CNTN4: variants seen among roughly 807,000 people sequenced by gnomAD.
CNTN4 encodes contactin-4.
A neutral mutation model predicts 122.5 loss-of-function variants in CNTN4; 77 were observed. The ratio of observed to expected loss-of-function variants is 0.63; its 90% CI spans 0.52 to 0.76. The LOEUF (loss-of-function observed/expected upper bound fraction) is 0.76, where lower values mean the gene tolerates loss of function less well. CNTN4 is among the 30% of genes least tolerant of loss of function. CNTN4 has a pLI of 0.00. For missense variants in CNTN4, 1,256 were observed against 1,259.1 expected (o/e 1.00, Z 0.04); for synonymous variants, 512 against 447.0 (o/e 1.15, Z -1.83).
chr3:2,378,139 G>T (rs1324930671), intron 3 of CNTN4, among the ~76,000 whole-genome samples: 1 of 152,144 alleles, frequency 6.6e-6, no homozygotes, highest in Non-Finnish European at 1.5e-5. Flanking sequence ...AGAAATAGAT[G>T]CGACAAATGG....
At chr3:2,481,769 T>A (rs930781499) in intron 3 of CNTN4, among the ~76,000 whole-genome samples, 39 of 152,060 alleles carry the variant, frequency 2.6e-4, no homozygotes, top group African/African-American at 9.2e-4. Flanking sequence ...GTTAGTGAGT[T>A]CTCAAAAGAT....
chr3:2,647,021 T>G (rs1480619230), intron 4 of CNTN4, among the ~76,000 whole-genome samples: 1 of 152,200 alleles, frequency 6.6e-6, no homozygotes, highest in African/African-American at 2.4e-5. Context: ...TTATATCTGG[T>G]AGAGACCCTG....
chr3:2,321,226 G>T (rs2043266704), intron 2 of CNTN4, among the ~76,000 whole-genome samples: 1 of 152,068 alleles, frequency 6.6e-6, no homozygotes, highest in Non-Finnish European at 1.5e-5. Flanking sequence ...GTGAAATGTG[G>T]CTTAGAACAA....
chr3:2,276,583 G>C (rs983543748), intron 2 of CNTN4, among the ~76,000 whole-genome samples: 42 of 152,126 alleles, frequency 2.8e-4, no homozygotes, highest in African/African-American at 9.7e-4. Context: ...GTGGCATAGT[G>C]CATTGCAAGT....
intron 2 of CNTN4, among the ~76,000 whole-genome samples, chr3:2,134,714 C>T (rs930970511): frequency 1.2e-4 from 18 of 152,106 alleles, no homozygotes; most frequent in African/African-American, 4.3e-4. Context: ...TGCTGAACAC[C>T]CTCAGTGCAA....
intron 7 of CNTN4, among the ~76,000 whole-genome samples, chr3:2,853,928 A>C (rs977872726): frequency 3.9e-5 from 6 of 152,160 alleles, no homozygotes; most frequent in African/African-American, 1.4e-4. Context: ...TTCCCCAAAA[A>C]CCAATTGACG....
At chr3:2,192,823 T>C (rs561413625) in intron 2 of CNTN4, among the ~76,000 whole-genome samples, 45 of 151,920 alleles carry the variant, frequency 3.0e-4, no homozygotes, top group Non-Finnish European at 5.4e-4. Context: ...CCCCACTATT[T>C]AAAAAAAATA....
At chr3:2,519,999 T>G (rs1050779794) in intron 3 of CNTN4, among the ~76,000 whole-genome samples, 1 of 152,086 alleles carries the variant, frequency 6.6e-6, no homozygotes, top group Non-Finnish European at 1.5e-5. Context: ...TACAAGGCTT[T>G]TTTTAAACCC....
At chr3:2,424,239 T>C (rs1452706532) in intron 3 of CNTN4, among the ~76,000 whole-genome samples, 1 of 75,522 alleles carries the variant, frequency 1.3e-5, no homozygotes, top group Non-Finnish European at 2.6e-5. Context: ...CAGCAGGCCC[T>C]GGTGTGTGAT....
intron 4 of CNTN4, among the ~76,000 whole-genome samples, chr3:2,578,616 A>G (rs750594101): frequency 5.3e-5 from 8 of 152,240 alleles, no homozygotes; most frequent in Non-Finnish European, 1.5e-5. Flanking sequence ...CAAATATTCA[A>G]TTAAGACCAA....
intron 1 of CNTN4, 174 bp downstream of exon 1, chr3:2,099,152 C>T (rs1161110981): frequency 1.3e-5 from 2 of 152,280 alleles, no homozygotes; most frequent in Non-Finnish European, 2.9e-5. Context: ...GCGGGGCCGT[C>T]CAGCTCAGAG....
chr3:2,662,841 C>T (rs2083965165), intron 4 of CNTN4, among the ~76,000 whole-genome samples: 1 of 151,986 alleles, frequency 6.6e-6, no homozygotes, highest in Non-Finnish European at 1.5e-5. Context: ...GCCTGTAATC[C>T]CAGCGCTTTG....
In CNTN4 at chr3:2,709,773, G is replaced by A. The variant is rs1020366080; in HGVS notation, c.56-26442G>A. On this transcript the variant is annotated intron_variant, in intron 4 of 24. Coordinates refer to ENST00000418658, the MANE Select transcript of CNTN4 (RefSeq NM_175607.3). This position sits in a 1 kb window ranked among gnomAD's most constrained non-coding sequence, Gnocchi z 5.0. ...TACTAAAAATACAAAAATTAGCCAGGCGTGGTGGTGCACACCTGTAGTCCC... is the reference window on the plus strand; with the variant it reads ...TACTAAAAATACAAAAATTAGCCAGACGTGGTGGTGCACACCTGTAGTCCC... 6.6e-6 allele frequency among the ~76,000 whole-genome samples: 1 copy of A among 151,966 alleles called. No individual in the cohort carries two copies. The highest frequency in any genetic ancestry group is 2.4e-5 in the African/African-American group (1 of 41,380).
rs903156650 is a variant in CNTN4, at chr3:2,703,193, G to A, written c.56-33022G>A. Among the ~76,000 whole-genome samples the A allele has an allele frequency of 2.6e-5, 4 of 152,164 alleles. No homozygotes were observed. The South Asian group carries it at 6.2e-4, about 24-fold the overall frequency. ...TGTGCATTTCACAAGAGCAGAGCAG[G>A]AGTAGTCTCCCCTTCATATTTACGT... On this transcript the variant is annotated intron_variant, in intron 4 of 24. Transcript: ENST00000418658.
At chr3:3,050,636 G>A (rs1446420199) in intron 23 of CNTN4, among the ~76,000 whole-genome samples, 4 of 151,958 alleles carry the variant, frequency 2.6e-5, no homozygotes, top group Non-Finnish European at 2.9e-5. Context: ...GGTGGCGCAT[G>A]CCTGTAATGT....
rs749539845 is a variant in CNTN4, at chr3:3,038,902, G to A, written c.2093-31G>A. ...TGGCCCTCATTCGCCTTTGCCGCCT[G>A]ACATAACTTGTTTTTTGTCTCCTTG... On this transcript the variant is annotated intron_variant, in intron 18 of 24. Coordinates refer to ENST00000418658, the MANE Select transcript of CNTN4 (RefSeq NM_175607.3). The A allele has an allele frequency of 2.5e-6, 4 of 1,608,396 alleles. 1 individual carries two copies. In the South Asian group the frequency reaches 4.4e-5, roughly 18 times the overall value.
intron 2 of CNTN4, among the ~76,000 whole-genome samples, chr3:2,331,952 G>C (rs1191443704): frequency 5.3e-5 from 8 of 152,130 alleles, no homozygotes; most frequent in Middle Eastern, 3.2e-3. Flanking sequence ...CGATTCTCCT[G>C]TCCAGCCCAA....
chr3:3,000,135 C>T (rs149467), intron 14 of CNTN4, among the ~76,000 whole-genome samples: 23,660 of 151,744 alleles, frequency 0.16, 1,934 homozygotes, highest in East Asian at 0.27. Context: ...TGTGATAGGT[C>T]TTAGATGACT....
intron 2 of CNTN4, among the ~76,000 whole-genome samples, chr3:2,220,024 G>C (rs1444461498): frequency 6.6e-6 from 1 of 152,016 alleles, no homozygotes; most frequent in Non-Finnish European, 1.5e-5. Flanking sequence ...CAATATTTCA[G>C]TACTTGCTGT....
Sources: allele counts gnomAD v4.1 joint callset (sites outside exome capture counted in the v4.1 genomes callset), GRCh38; gene constraint gnomAD v4.1.1; non-coding constraint Gnocchi (gnomAD v3.1); transcripts MANE v1.5; gene names NCBI Gene and HGNC (gene_info 2026-07-23, HGNC 2026-07-21).